MB21D2: variants seen among roughly 807,000 people sequenced by gnomAD.
MB21D2 encodes the protein nucleotidyltransferase MB21D2.
MB21D2 carries 9 observed loss-of-function variants against 33.3 expected under a neutral mutation model. The ratio of observed to expected loss-of-function variants is 0.27; its 90% CI spans 0.16 to 0.47. MB21D2 has a LOEUF of 0.47. Among genes scored for constraint, MB21D2 ranks in the 20% least tolerant of loss-of-function variants. MB21D2 has a pLI of 0.99. For synonymous variants in MB21D2, 241 were observed against 236.3 expected (o/e 1.02, Z -0.18); for missense variants, 540 against 624.6 (o/e 0.86, Z 1.44).
intron 1 of MB21D2, among the ~76,000 whole-genome samples, chr3:192,905,635 C>CAAAAAAAAA (rs142676577): frequency 5.9e-5 from 5 of 84,978 alleles, no homozygotes; most frequent in African/African-American, 9.8e-5. Flanking sequence ...CGCCCTGTCT[C>CAAAAAAAAA]AAAAAAAAAA....
At chr3:192,835,287 T>C (rs1298293115) in intron 1 of MB21D2, among the ~76,000 whole-genome samples, 1 of 149,290 alleles carries the variant, frequency 6.7e-6, no homozygotes, top group Admixed American at 6.7e-5. Flanking sequence ...ACACCGTCTC[T>C]ACAAAAAAAT....
At chr3:192,843,631 A>C (rs1217405398) in intron 1 of MB21D2, among the ~76,000 whole-genome samples, 1 of 152,214 alleles carries the variant, frequency 6.6e-6, no homozygotes, top group Non-Finnish European at 1.5e-5. Flanking sequence ...TATAAATAGC[A>C]AGACAGCTGG....
chr3:192,903,823 G>A (rs1410482765), intron 1 of MB21D2, among the ~76,000 whole-genome samples: 2 of 152,206 alleles, frequency 1.3e-5, no homozygotes, highest in African/African-American at 2.4e-5. Context: ...TTAAAAGTAT[G>A]GGGGCACCTT....
At chr3:192,828,521 A>C (rs898391255) in intron 1 of MB21D2, among the ~76,000 whole-genome samples, 1 of 146,120 alleles carries the variant, frequency 6.8e-6, no homozygotes, top group African/African-American at 2.5e-5. Context: ...GTAGATTTGG[A>C]CAGGTTGATA....
At chr3:192,883,972 T>C (rs1713665194) in intron 1 of MB21D2, among the ~76,000 whole-genome samples, 1 of 152,120 alleles carries the variant, frequency 6.6e-6, no homozygotes, top group South Asian at 2.1e-4. Context: ...CACAACCCTC[T>C]CAAGCTTGAT....
At chr3:192,879,647 T>C (rs1045707236) in intron 1 of MB21D2, among the ~76,000 whole-genome samples, 2 of 152,200 alleles carry the variant, frequency 1.3e-5, no homozygotes, top group African/African-American at 4.8e-5. Flanking sequence ...GAAGGGGGTA[T>C]CCGTTGGAGG....
chr3:192,805,664 A>G (rs1231424829), intron 1 of MB21D2, among the ~76,000 whole-genome samples: 1 of 152,174 alleles, frequency 6.6e-6, no homozygotes, highest in African/African-American at 2.4e-5. Flanking sequence ...TGGGCTTGTC[A>G]TTTACTATTC....
chr3:192,888,013 A>G (rs921115723), intron 1 of MB21D2, among the ~76,000 whole-genome samples: 16 of 152,032 alleles, frequency 1.1e-4, no homozygotes, highest in African/African-American at 3.6e-4. Context: ...CAAGGGGAGA[A>G]TCTAGCAAGG....
intron 1 of MB21D2, among the ~76,000 whole-genome samples, chr3:192,828,971 T>C (rs974254324): frequency 2.0e-5 from 3 of 151,964 alleles, no homozygotes; most frequent in Non-Finnish European, 2.9e-5. Context: ...CTTTTAAAGA[T>C]GCAGTTCGGT....
intron 1 of MB21D2, among the ~76,000 whole-genome samples, chr3:192,885,789 T>C (rs1425292769): frequency 6.6e-6 from 1 of 151,948 alleles, no homozygotes; most frequent in East Asian, 1.9e-4. Flanking sequence ...TAAATTCCAA[T>C]AAAAACAAAA....
At chr3:192,827,045 C>T (rs757194221) in intron 1 of MB21D2, among the ~76,000 whole-genome samples, 1 of 152,070 alleles carries the variant, frequency 6.6e-6, no homozygotes, top group African/African-American at 2.4e-5. Flanking sequence ...TAGGTGCCCA[C>T]CACCACGTCC....
chr3:192,828,410 C>T (rs567716940), intron 1 of MB21D2, among the ~76,000 whole-genome samples: 106 of 151,112 alleles, frequency 7.0e-4, no homozygotes, highest in Non-Finnish European at 1.1e-3. Context: ...ATCCAGCACA[C>T]CTGTGCAGCA....
At chr3:192,911,680 C>T (rs1714357808) in intron 1 of MB21D2, among the ~76,000 whole-genome samples, 1 of 116,844 alleles carries the variant, frequency 8.6e-6, no homozygotes, top group Non-Finnish European at 2.2e-5. Context: ...AGTGGCATGA[C>T]AAGGAATGAC....
At chr3:192,823,131 T>C (rs568095984) in intron 1 of MB21D2, among the ~76,000 whole-genome samples, 2 of 152,340 alleles carry the variant, frequency 1.3e-5, no homozygotes, top group South Asian at 2.1e-4. Context: ...TCTAAATTAT[T>C]TTCACACCAA....
At chr3:192,857,347 T>G (rs1712938848) in intron 1 of MB21D2, among the ~76,000 whole-genome samples, 1 of 152,186 alleles carries the variant, frequency 6.6e-6, no homozygotes, top group African/African-American at 2.4e-5. Context: ...ACCTGCCAAT[T>G]CCATGTGGAA....
chr3:192,858,712 A>G (rs1186885569), intron 1 of MB21D2, among the ~76,000 whole-genome samples: 1 of 152,222 alleles, frequency 6.6e-6, no homozygotes, highest in Non-Finnish European at 1.5e-5. Flanking sequence ...GTTATAAAGG[A>G]CACAAGGTAT....
At chr3:192,834,188 A>T (rs1712381517) in intron 1 of MB21D2, among the ~76,000 whole-genome samples, 1 of 151,990 alleles carries the variant, frequency 6.6e-6, no homozygotes, top group Non-Finnish European at 1.5e-5. Flanking sequence ...ATGGTGGCTC[A>T]CACCTATAGT....
At chr3:192,812,408 T>C (rs762472626) in intron 1 of MB21D2, among the ~76,000 whole-genome samples, 1 of 152,202 alleles carries the variant, frequency 6.6e-6, no homozygotes, top group Non-Finnish European at 1.5e-5. Flanking sequence ...CTCTGATGAC[T>C]TGTGTATCTC....
chr3:192,837,461 G>T (rs1015529623), intron 1 of MB21D2, among the ~76,000 whole-genome samples: 1 of 152,162 alleles, frequency 6.6e-6, no homozygotes, highest in Non-Finnish European at 1.5e-5. Context: ...GCAGCTCAAG[G>T]GGAGAACGAG....
Sources: gnomAD v4.1 joint callset for allele counts (sites outside exome capture counted in the v4.1 genomes callset) on GRCh38, gnomAD v4.1.1 for gene constraint, MANE v1.5 for transcripts, NCBI Gene and HGNC (gene_info 2026-07-23, HGNC 2026-07-21) for gene names.